The following KCNH1 variants were observed in gnomAD, a reference collection of about 807,000 sequenced individuals.
KCNH1 encodes the protein voltage-gated delayed rectifier potassium channel KCNH1.
Under a neutral mutation model 69.2 loss-of-function variants are expected in KCNH1, and 27 were observed. That is an observed-to-expected ratio of 0.39 (90% confidence interval 0.29 to 0.54). KCNH1 has a LOEUF of 0.54. KCNH1 is among the 20% of genes least tolerant of loss of function. The probability of loss-of-function intolerance (pLI) is 0.68; values close to 1 mark genes in which losing one functional copy is unlikely to be tolerated. For missense variants in KCNH1, 798 were observed against 1,261.6 expected, an observed-to-expected ratio of 0.63 and a Z score of 5.57; for synonymous variants, 456 against 487.7, an observed-to-expected ratio of 0.93 and a Z score of 0.86.
intron 6 of KCNH1, among the ~76,000 whole-genome samples, chr1:210,928,690 G>T (rs1157971846): frequency 6.6e-6 from 1 of 151,528 alleles, no homozygotes; most frequent in East Asian, 1.9e-4. Flanking sequence ...CAGAAGAAAA[G>T]AAATAACAAA....
At chr1:211,046,964 C>CA (rs1044739405) in intron 5 of KCNH1, among the ~76,000 whole-genome samples, 3 of 151,186 alleles carry the variant, frequency 2.0e-5, no homozygotes, top group African/African-American at 4.9e-5. Flanking sequence ...TTAGCAGCCA[C>CA]AAAAAAAAGT....
intron 7 of KCNH1, among the ~76,000 whole-genome samples, chr1:210,881,389 A>G (rs1226565751): frequency 6.6e-6 from 1 of 152,232 alleles, no homozygotes; most frequent in Non-Finnish European, 1.5e-5. Flanking sequence ...AGATTCTGGA[A>G]CTATGGGAAC....
chr1:211,061,978 A>G (rs1690440368), intron 5 of KCNH1, among the ~76,000 whole-genome samples: 1 of 152,200 alleles, frequency 6.6e-6, no homozygotes, highest in East Asian at 1.9e-4. Context: ...TAAAATTTAT[A>G]TGGAGCAACA....
intron 7 of KCNH1, among the ~76,000 whole-genome samples, chr1:210,901,694 G>T (rs1686998896): frequency 6.6e-6 from 1 of 152,218 alleles, no homozygotes; most frequent in Non-Finnish European, 1.5e-5. Flanking sequence ...GAGCTGGGAA[G>T]TCAGTGCCAC....
At chr1:210,710,469 A>G (rs1331129148) in intron 10 of KCNH1, among the ~76,000 whole-genome samples, 3 of 152,210 alleles carry the variant, frequency 2.0e-5, no homozygotes, top group Admixed American at 2.0e-4. Flanking sequence ...AGGCTACACT[A>G]AAGTTTTATA....
chr1:211,103,665 T>C, intron 2 of KCNH1, 63 bp from the exon 3 acceptor site: 2 of 1,056,422 alleles, frequency 1.9e-6, no homozygotes, highest in Non-Finnish European at 2.9e-6. Context: ...AAGCATATGT[T>C]AAATATCTGT....
intron 7 of KCNH1, among the ~76,000 whole-genome samples, chr1:210,814,167 G>A (rs550541475): frequency 3.3e-5 from 5 of 152,274 alleles, no homozygotes; most frequent in African/African-American, 1.2e-4. Context: ...CATAGGAGGA[G>A]GACGCACAGG....
chr1:211,101,488 T>G (rs745385755), intron 3 of KCNH1, among the ~76,000 whole-genome samples: 1 of 152,234 alleles, frequency 6.6e-6, no homozygotes, highest in Non-Finnish European at 1.5e-5. Flanking sequence ...ATGTTGTATG[T>G]ACAAATTTAG....
intron 7 of KCNH1, chr1:210,858,157 A>T (rs1342285085): frequency 6.6e-6 from 1 of 152,212 alleles, no homozygotes; most frequent in Non-Finnish European, 1.5e-5. Flanking sequence ...TAGATTGCAT[A>T]TATGGGTGTT....
intron 7 of KCNH1, among the ~76,000 whole-genome samples, chr1:210,888,837 C>G (rs974120500): frequency 1.3e-5 from 2 of 152,148 alleles, no homozygotes; most frequent in Admixed American, 1.3e-4. Context: ...CATATACCCC[C>G]CCAAGACTAA....
At chr1:211,007,468 T>C (rs78743738) in intron 6 of KCNH1, among the ~76,000 whole-genome samples, 21,245 of 152,200 alleles carry the variant, frequency 0.14, 1,766 homozygotes, top group East Asian at 0.39. Flanking sequence ...CCTTCTCCCC[T>C]AGCCCCACAT....
rs781553752 is a variant in KCNH1 at position 210,919,609 on chromosome 1, G to T, written c.1462+31C>A. 2 of 1,582,768 alleles carry T rather than the reference G, an allele frequency of 1.3e-6. No individual in the cohort carries two copies. The highest frequency in any genetic ancestry group is 8.6e-7 in the Non-Finnish European group (1 of 1,159,036). ...CTGTTTCCAGCTAACAGAAGAGATG[G>T]CCAACCCCACCCCAGCACTGTCATA... On this transcript the variant is annotated intron_variant, in intron 7 of 10. Transcript: ENST00000271751. This position sits in a 1 kb window ranked among gnomAD's most constrained non-coding sequence, Gnocchi z 4.2.
At chr1:211,024,982 G>A (rs776021191) in intron 5 of KCNH1, among the ~76,000 whole-genome samples, 9 of 152,140 alleles carry the variant, frequency 5.9e-5, no homozygotes, top group Non-Finnish European at 1.0e-4. Context: ...GATTCAAAAC[G>A]CATGCTGTTC....
intron 1 of KCNH1, among the ~76,000 whole-genome samples, chr1:211,109,976 A>G (rs777996665): frequency 2.0e-5 from 3 of 151,986 alleles, no homozygotes; most frequent in Non-Finnish European, 4.4e-5. Context: ...TTTAGAAGAT[A>G]AAGTCTTACA....
chr1:210,945,285 T>G (rs1398403505), intron 6 of KCNH1, among the ~76,000 whole-genome samples: 1 of 152,228 alleles, frequency 6.6e-6, no homozygotes, highest in African/African-American at 2.4e-5. Flanking sequence ...TGTTTTAAAC[T>G]AACTCTTACA....
At chr1:210,860,305 T>C in intron 7 of KCNH1, 2 of 1,348,474 alleles carry the variant, frequency 1.5e-6, no homozygotes, top group South Asian at 1.2e-5. Flanking sequence ...TGTCAGGCTA[T>C]GCGCTAAAGA....
chr1:210,820,082 G>A (rs1684898622), intron 7 of KCNH1, among the ~76,000 whole-genome samples: 1 of 152,230 alleles, frequency 6.6e-6, no homozygotes, highest in African/African-American at 2.4e-5. Context: ...AAGCCAGAAA[G>A]ATAAATTATT....
chr1:210,775,273 T>C (rs1045733032), intron 10 of KCNH1, 75 bp downstream of exon 10: 2 of 1,311,600 alleles, frequency 1.5e-6, no homozygotes, highest in Admixed American at 4.0e-5. Context: ...GCAAAGGGAC[T>C]TTTCTGGTCA....
intron 5 of KCNH1, among the ~76,000 whole-genome samples, chr1:211,071,364 A>T (rs1489206545): frequency 6.6e-6 from 1 of 152,220 alleles, no homozygotes; most frequent in Non-Finnish European, 1.5e-5. Context: ...TCTTGATGAG[A>T]ACCTTGAGAG....
Sources: gnomAD v4.1 joint callset for allele counts (sites outside exome capture counted in the v4.1 genomes callset) on GRCh38, gnomAD v4.1.1 for gene constraint, Gnocchi (gnomAD v3.1) non-coding constraint, MANE v1.5 for transcripts, NCBI Gene and HGNC (gene_info 2026-07-23, HGNC 2026-07-21) for gene names.